The following COL4A2 variants were observed in gnomAD, a reference collection of about 807,000 sequenced individuals.
The protein encoded by COL4A2 is collagen alpha-2(IV) chain.
Under a neutral mutation model 200.2 loss-of-function variants are expected in COL4A2, and 99 were observed. The ratio of observed to expected loss-of-function variants is 0.49; its 90% CI spans 0.42 to 0.58. The LOEUF is 0.58. Among genes scored for constraint, COL4A2 ranks in the 20% least tolerant of loss-of-function variants. COL4A2 has a pLI of 0.00. For synonymous variants in COL4A2, 897 were observed against 900.6 expected (o/e 1.00, Z 0.07); for missense variants, 1,950 against 2,314.1 (o/e 0.84, Z 3.23).
rs553026578 is a variant in COL4A2 at position 110,482,725 on chromosome 13, G to T, written c.2902+66G>T. The stretch of plus-strand genomic sequence containing the variant: ...GGCATCCTCCTTACCCTTTCTTGGT[G>T]GCATAACATTGCCCAGAATGAATTT... On this transcript the variant is annotated intron_variant, in intron 32 of 47. Coordinates refer to ENST00000360467, the MANE Select transcript of COL4A2 (RefSeq NM_001846.4). 9.5e-4 allele frequency: 1,452 copies of T among 1,525,318 alleles called. 30 individuals carry two copies. In the South Asian group the frequency reaches 0.016, roughly 16 times the overall value. 94.5% of individuals were successfully genotyped at this position (1,525,318 alleles called of 1,614,324 possible).
chr13:110,457,980 C>T (rs1881843394), intron 21 of COL4A2: 1 of 397,466 alleles, frequency 2.5e-6, no homozygotes, highest in African/African-American at 2.1e-5. Context: ...GGACTCTGCC[C>T]CTAGCTCGAG....
chr13:110,343,785 T>C (rs1305872889), intron 3 of COL4A2, among the ~76,000 whole-genome samples: 1 of 152,252 alleles, frequency 6.6e-6, no homozygotes, highest in African/African-American at 2.4e-5. Flanking sequence ...TTCCTGGATC[T>C]CTTTCATTCC....
At chr13:110,383,296 C>G (rs1429609076) in intron 4 of COL4A2, among the ~76,000 whole-genome samples, 1 of 152,186 alleles carries the variant, frequency 6.6e-6, no homozygotes, top group Non-Finnish European at 1.5e-5. Flanking sequence ...ATTTACAATA[C>G]TCTTGGGGGA....
At chr13:110,502,964 C>T (rs1883702253) in intron 41 of COL4A2, 157 bp from the exon 42 acceptor site, 10 of 697,044 alleles carry the variant, frequency 1.4e-5, no homozygotes, top group South Asian at 1.9e-5. Flanking sequence ...TTATGTTCTA[C>T]GTATTTTACG....
At chr13:110,437,832 T>G (rs1880952853) in intron 13 of COL4A2, among the ~76,000 whole-genome samples, 170 bp from the exon 14 acceptor site, 1 of 152,216 alleles carries the variant, frequency 6.6e-6, no homozygotes, top group African/African-American at 2.4e-5. Flanking sequence ...ACCTCTTTTC[T>G]CTTGAATTTT....
intron 4 of COL4A2, among the ~76,000 whole-genome samples, chr13:110,390,406 G>A (rs1878942752): frequency 6.6e-6 from 1 of 152,252 alleles, no homozygotes; most frequent in South Asian, 2.1e-4. Context: ...AACCTTTGCA[G>A]TTGGAGCCAG....
intron 3 of COL4A2, among the ~76,000 whole-genome samples, chr13:110,314,803 C>T (rs1404362708): frequency 6.6e-6 from 1 of 152,164 alleles, no homozygotes; most frequent in Non-Finnish European, 1.5e-5. Flanking sequence ...ATGGGAGCCC[C>T]CTTCCCGCCT....
chr13:110,408,527 A>C (rs183367939), intron 4 of COL4A2, among the ~76,000 whole-genome samples: 1 of 152,272 alleles, frequency 6.6e-6, no homozygotes, highest in East Asian at 1.9e-4. Context: ...CTGATGTGAG[A>C]GGTGTTGCCA....
intron 3 of COL4A2, among the ~76,000 whole-genome samples, chr13:110,333,795 T>C (rs911598219): frequency 6.6e-6 from 1 of 152,246 alleles, no homozygotes; most frequent in Non-Finnish European, 1.5e-5. Context: ...GTTGTATAGT[T>C]ATGATTATAA....
Position 110,473,108 on chromosome 13 carries a change from CT to C in COL4A2, c.2385del (p.Gly797AlafsTer23), listed in dbSNP as rs1279895249. The C allele has an allele frequency of 6.4e-7, 1 of 1,562,860 alleles. No homozygotes were observed. Among genetic ancestry groups the C allele is most frequent in the East Asian group, 2.4e-5 (1 of 42,476 alleles). ...TGCTGGTGTGCCTGGACAGCCTGGG[CT>C]TAAAGGCCTTCCCGGAGACAGAGGC... ...GDAGVPGQPG[L>X]KGLPGDRGPP... On this transcript the variant is annotated frameshift_variant, in exon 29 of 48. Coordinates refer to ENST00000360467, the MANE Select transcript of COL4A2 (RefSeq NM_001846.4). LOFTEE classifies it high-confidence loss of function.
At chr13:110,456,633 T>C (rs2139488733) in intron 20 of COL4A2, 1 of 385,874 alleles carries the variant, frequency 2.6e-6, no homozygotes, top group Non-Finnish European at 5.2e-6. Context: ...AAAAATGTGC[T>C]TTTGTTTATG....
At chr13:110,310,998 C>T (rs1884965633) in intron 3 of COL4A2, among the ~76,000 whole-genome samples, 2 of 152,194 alleles carry the variant, frequency 1.3e-5, no homozygotes, top group South Asian at 2.1e-4. Context: ...CTTCCCAGGG[C>T]CTGAAAGGTG....
At chr13:110,415,738 G>A (rs1326071654) in intron 4 of COL4A2, among the ~76,000 whole-genome samples, 1 of 152,202 alleles carries the variant, frequency 6.6e-6, no homozygotes, top group Non-Finnish European at 1.5e-5. Flanking sequence ...GAAGACAGGC[G>A]GCCTGCTTGC....
intron 3 of COL4A2, among the ~76,000 whole-genome samples, chr13:110,321,156 T>C (rs1389892613): frequency 6.6e-6 from 1 of 151,636 alleles, no homozygotes; most frequent in Non-Finnish European, 1.5e-5. Context: ...GTCTCATATA[T>C]GTGCGTATTT....
In COL4A2 at chr13:110,512,059, CA is replaced by C. The variant is rs759145060; in HGVS notation, c.5009del (p.Asn1670ThrfsTer7). 1 of 1,613,746 alleles carries C rather than the reference CA, an allele frequency of 6.2e-7. No homozygotes were observed. The highest frequency in any genetic ancestry group is 1.7e-5 in the Admixed American group (1 of 60,030). ...GGRGTCHYYA[N>X]KYSFWLTTIP... ...GCCGCGGCACCTGCCACTACTACGC[CA>C]ACAAGTACAGCTTCTGGCTGACCAC... On this transcript the variant is annotated frameshift_variant, in exon 48 of 48. Transcript: ENST00000360467. LOFTEE classifies it high-confidence loss of function.
In COL4A2 at chr13:110,430,545, G is replaced by A. The variant is rs758220603; in HGVS notation, c.586G>A (p.Gly196Arg). ...ACATTCTCCCGCTGCCTATCCATAGGGACCTCCCGGCCGCCCTGGGCATGT... is the reference window on the plus strand; with the variant it reads ...ACATTCTCCCGCTGCCTATCCATAGAGACCTCCCGGCCGCCCTGGGCATGT... ...PGEPGLVGFQ[G>R]PPGRPGHVGQ... Residue 196 changes from glycine to arginine, a missense_variant and splice_region_variant, in exon 10 of 48, where the codon GGA becomes AGA. Gly to Arg is a moderately radical substitution (Grantham distance 125). Around this residue, in one of 2 missense-constraint regions of COL4A2, gnomAD observed 565 missense variants for 593.5 expected, o/e 0.95. Coordinates refer to ENST00000360467, the MANE Select transcript of COL4A2 (RefSeq NM_001846.4). The A allele has an allele frequency of 1.9e-6, 3 of 1,614,142 alleles. No individual in the cohort carries two copies. The highest frequency in any genetic ancestry group is 1.3e-5 in the African/African-American group (1 of 75,034).
At chr13:110,505,172 A>C (rs1449181059) in intron 45 of COL4A2, among the ~76,000 whole-genome samples, 2 of 150,932 alleles carry the variant, frequency 1.3e-5, no homozygotes, top group Non-Finnish European at 3.0e-5. Context: ...AACACGGTGA[A>C]ACCCCGTCTC....
At chr13:110,471,259 G>A (rs1010324540) in intron 28 of COL4A2, among the ~76,000 whole-genome samples, 1 of 152,206 alleles carries the variant, frequency 6.6e-6, no homozygotes, top group Non-Finnish European at 1.5e-5. Context: ...GGAATGGATG[G>A]GATGCACCCA....
chr13:110,311,103 A>G (rs1370883809), intron 3 of COL4A2, among the ~76,000 whole-genome samples: 1 of 152,056 alleles, frequency 6.6e-6, no homozygotes, highest in South Asian at 2.1e-4. Flanking sequence ...TGGAGCGGGC[A>G]CTGATTCCTA....
Sources: gnomAD v4.1 joint callset for allele counts (sites outside exome capture counted in the v4.1 genomes callset) on GRCh38, gnomAD v4.1.1 for gene constraint, gnomAD v4.1.1 regional missense constraint, MANE v1.5 for transcripts, NCBI Gene and HGNC (gene_info 2026-07-23, HGNC 2026-07-21) for gene names.